The following CNNM3 variants were observed in gnomAD, a reference collection of about 807,000 sequenced individuals.
The protein encoded by CNNM3 is cyclin and CBS domain divalent metal cation transport mediator 3.
Under a neutral mutation model 57.1 loss-of-function variants are expected in CNNM3, and 47 were observed. The ratio of observed to expected loss-of-function variants is 0.82; its 90% CI spans 0.65 to 1.05. The LOEUF (loss-of-function observed/expected upper bound fraction) is 1.05. Ranked by LOEUF, CNNM3 falls within the 50% of genes least tolerant of loss-of-function variation. The pLI is 0.00. For synonymous variants in CNNM3, 507 were observed against 478.2 expected, an observed-to-expected ratio of 1.06 and a Z score of -0.79; for missense variants, 957 against 973.7, an observed-to-expected ratio of 0.98 and a Z score of 0.23.
At chr2:96,828,019 G>A in intron 4 of CNNM3, 80 bp from the exon 5 acceptor site, 1 of 1,566,086 alleles carries the variant, frequency 6.4e-7, no homozygotes, top group Non-Finnish European at 8.8e-7. Flanking sequence ...CAATTGAGGT[G>A]GTGGGTTTCT....
At position 96,829,002 on chromosome 2, in the gene CNNM3, C is replaced by G. The variant is rs374701098; in HGVS notation, c.1927C>G (p.Arg643Gly). 1.2e-6 allele frequency: 2 copies of G among 1,613,682 alleles called. No individual in the cohort carries two copies. The highest frequency in any genetic ancestry group is 3.3e-5 in the Admixed American group (2 of 59,958). Residue 643 changes from arginine (R) to glycine (G), a missense_variant, in exon 7 of 8, where the codon CGA (arginine) becomes GGA (glycine). Arg to Gly is a moderately radical substitution (Grantham distance 125). This residue lies in a region of CNNM3 where 491 missense variants were observed against 570.6 expected (regional missense o/e 0.86). Coordinates refer to ENST00000305510, the MANE Select transcript of CNNM3 (RefSeq NM_017623.5). ...LSDLQLIKVTRLQYLNALLAT... is the reference protein window; with the variant it reads ...LSDLQLIKVTGLQYLNALLAT... ...TAACGCTGTCATCCTCCAGGTTACG[C>G]GACTGCAGTACCTCAATGCACTCCT...
At chr2:96,819,864 C>T (rs2079380780) in intron 1 of CNNM3, among the ~76,000 whole-genome samples, 1 of 152,184 alleles carries the variant, frequency 6.6e-6, no homozygotes, top group African/African-American at 2.4e-5. Context: ...TTTTCCAAAC[C>T]GCCAGTGTCA....
chr2:96,828,678 T>G lies in CNNM3; in HGVS notation c.1898T>G (p.Leu633Arg). ...TGTCCCGACTACACCGTGAGGGCGC[T>G]CTCTGATCTGCAGCTCATCAAGGTG... The part of the protein sequence containing the change: ...AYCPDYTVRA[L>R]SDLQLIKVTR... Residue 633 changes from leucine to arginine, a missense_variant, in exon 6 of 8, where the codon CTC becomes CGC. Leu to Arg is a moderately radical substitution (Grantham distance 102). This residue lies in a region of CNNM3 where 491 missense variants were observed against 570.6 expected (regional missense o/e 0.86). Coordinates refer to ENST00000305510, the MANE Select transcript of CNNM3 (RefSeq NM_017623.5). The G allele has an allele frequency of 5.0e-6, 8 of 1,614,046 alleles. No individual in the cohort carries two copies. Among genetic ancestry groups the G allele is most frequent in the Non-Finnish European group, 6.8e-6 (8 of 1,179,986 alleles).
In CNNM3 at chr2:96,835,000, G is replaced by A. The variant is rs557520842; in HGVS notation, c.*2384G>A. 4.4e-4 allele frequency among the ~76,000 whole-genome samples: 67 copies of A among 152,272 alleles called. No individual in the cohort carries two copies. Among genetic ancestry groups the A allele is most frequent in the African/African-American group, 1.5e-3 (64 of 41,544 alleles). ...CCAACAAAGACTCTGACACTGGTGC[G>A]ATGTGGGTGGACAGTCCAAATCATT... On this transcript the variant is annotated 3_prime_UTR_variant, in exon 8 of 8. Coordinates refer to ENST00000305510, the MANE Select transcript of CNNM3 (RefSeq NM_017623.5).
At chr2:96,825,885 G>A (rs940408563) in intron 2 of CNNM3, among the ~76,000 whole-genome samples, 1 of 150,892 alleles carries the variant, frequency 6.6e-6, no homozygotes, top group East Asian at 1.9e-4. Context: ...TGAGAGACTG[G>A]AGGGGGTGGA....
At chr2:96,829,226 C>G in intron 7 of CNNM3, 92 bp downstream of exon 7, 2 of 1,423,642 alleles carry the variant, frequency 1.4e-6, no homozygotes, top group African/African-American at 1.4e-5. Context: ...CCCCCCCACC[C>G]TCTGTCTTTT....
At chr2:96,828,365 A>T (rs1423102866) in intron 5 of CNNM3, 170 bp downstream of exon 5, 1 of 818,386 alleles carries the variant, frequency 1.2e-6, no homozygotes, top group African/African-American at 1.7e-5. Context: ...AGCATTCTTC[A>T]TCGCTCAACT....
intron 2 of CNNM3, among the ~76,000 whole-genome samples, chr2:96,826,143 T>C (rs775584020): frequency 1.3e-5 from 2 of 152,246 alleles, no homozygotes; most frequent in Non-Finnish European, 1.5e-5. Flanking sequence ...CCCATTTGCA[T>C]TGGTAATCCT....
At chr2:96,828,405 C>T (rs531686562) in intron 5 of CNNM3, 162 bp from the exon 6 acceptor site, 12 of 975,414 alleles carry the variant, frequency 1.2e-5, no homozygotes, top group African/African-American at 4.9e-5. Flanking sequence ...TGCAAAACCT[C>T]TCCCGGCTGT....
chr2:96,830,880 C>T (rs1004764220), intron 7 of CNNM3, among the ~76,000 whole-genome samples: 49 of 152,148 alleles, frequency 3.2e-4, no homozygotes, highest in Non-Finnish European at 1.5e-4. Flanking sequence ...GTATGGGGTG[C>T]CCCTTCTACA....
Position 96,829,061 on chromosome 2 carries a change from T to G in CNNM3, c.1986T>G (p.Pro662=), listed in dbSNP as rs2079558485. ...GAGCCCAGAACCTGCCACAGTCCCCTGAGAACACCGACCTGCAGGTTATTC... is the reference window on the plus strand; with the variant it reads ...GAGCCCAGAACCTGCCACAGTCCCCGGAGAACACCGACCTGCAGGTTATTC... ...ATRAQNLPQS[P]ENTDLQVIPG... Residue 662 remains proline, a synonymous_variant, in exon 7 of 8, where the codon CCT becomes CCG. Transcript: ENST00000305510. The G allele has an allele frequency of 6.2e-7, 1 of 1,613,990 alleles. No homozygotes were observed. Among genetic ancestry groups the G allele is most frequent in the East Asian group, 2.2e-5 (1 of 44,858 alleles).
rs1290672685 is a variant in CNNM3, at chr2:96,817,025, G to T, written c.748G>T (p.Ala250Ser). Residue 250 changes from alanine to serine, a missense_variant, in exon 1 of 8, where the codon GCG (alanine) becomes TCG (serine). Coordinates refer to ENST00000305510, the MANE Select transcript of CNNM3 (RefSeq NM_017623.5). ...PAAVSGRWTL[A>S]LAPRALGLSR... is the part of the protein sequence containing the mutation. ...CGCCGTGAGCGGGCGCTGGACGCTG[G>T]CGCTGGCGCCGCGAGCGCTCGGCCT... is the stretch of plus-strand genomic sequence containing the variant. 7.3e-7 allele frequency: 1 copy of T among 1,368,146 alleles called. No individual in the cohort carries two copies. The highest frequency in any genetic ancestry group is 3.0e-5 in the Admixed American group (1 of 33,354). The allele number at this position is 1,368,146 out of a possible 1,614,324, so 84.8% of individuals were successfully genotyped here.
chr2:96,836,239 A>ATTT (rs761750199), downstream of CNNM3, among the ~76,000 whole-genome samples: 3 of 126,560 alleles, frequency 2.4e-5, no homozygotes, highest in South Asian at 2.5e-4. Context: ...CACCCAGCTA[A>ATTT]TTTTTTTTTT....
intron 2 of CNNM3, 103 bp from the exon 3 acceptor site, chr2:96,826,730 C>T: frequency 7.1e-7 from 1 of 1,398,748 alleles, no homozygotes; most frequent in Non-Finnish European, 9.9e-7. Flanking sequence ...CATCGAGGAC[C>T]CCCTGGCCTC....
Position 96,832,315 on chromosome 2 carries a change from C to G in CNNM3, c.2060-237C>G, listed in dbSNP as rs1353760003. The G allele has an allele frequency of 5.1e-6, 5 of 985,244 alleles. No individual in the cohort carries two copies. The Admixed American group carries it at 3.1e-4, about 61-fold the overall frequency. 61.0% of individuals were successfully genotyped at this position (985,244 alleles called of 1,614,324 possible). ...AGGTGCCTCTTGTTCAGCATAATGA[C>G]CTGGGACCCTCGGGGCCAGAAATCC... is the stretch of plus-strand genomic sequence containing the variant. On this transcript the variant is annotated intron_variant, in intron 7 of 7. Transcript: ENST00000305510.
chr2:96,826,789 G>T, intron 2 of CNNM3, 44 bp from the exon 3 acceptor site: 1 of 1,610,360 alleles, frequency 6.2e-7, no homozygotes, highest in South Asian at 1.1e-5. Flanking sequence ...CGTGTTGACT[G>T]ACAGGTGGCT....
intron 4 of CNNM3, 41 bp from the exon 5 acceptor site, chr2:96,828,058 A>G: frequency 6.3e-7 from 1 of 1,594,170 alleles, no homozygotes; most frequent in African/African-American, 1.3e-5. Flanking sequence ...CGGGAAAGGT[A>G]ATCTGGCCGC....
In CNNM3 at chr2:96,816,586, G is replaced by C. The variant is rs968365547; in HGVS notation, c.309G>C (p.Leu103Phe). The change falls in exon 1 of 8, where the codon TTG becomes TTC. Residue 103 changes from leucine to phenylalanine, a missense_variant. Physicochemically the swap from Leu to Phe is conservative, Grantham distance 22. This residue lies in a region of CNNM3 where 466 missense variants were observed against 403.1 expected (regional missense o/e 1.16). Transcript: ENST00000305510. The part of the protein sequence containing the change: ...PAGEWRALLR[L>F]RLRAEAVRPH... ...GCGAGTGGCGCGCGCTGCTGCGCTT[G>C]CGCCTGCGGGCCGAGGCCGTGCGCC... The C allele has an allele frequency of 2.4e-6, 3 of 1,257,006 alleles. No individual in the cohort carries two copies. Among genetic ancestry groups the C allele is most frequent in the Non-Finnish European group, 3.0e-6 (3 of 1,003,668 alleles). The allele number at this position is 1,257,006 out of a possible 1,614,324, so 77.9% of individuals were successfully genotyped here. A position where few individuals can be genotyped will look rare whatever the true frequency, so the allele number is the denominator to read the frequency against.
At position 96,817,447 on chromosome 2, in the gene CNNM3, C is replaced by T. The variant is rs769897406; in HGVS notation, c.1170C>T (p.Leu390=). ...STITRFYNHP[L]HFVFNDTKLD... ...TCACTCGTTTCTACAACCATCCGCT[C>T]CACTTCGTCTTCAACGACACCAAGC... is the stretch of plus-strand genomic sequence containing the variant. The change falls in exon 1 of 8, where the codon CTC becomes CTT. Residue 390 remains leucine, a synonymous_variant. Transcript: ENST00000305510. The T allele has an allele frequency of 3.1e-6, 5 of 1,614,058 alleles. No homozygotes were observed. Among genetic ancestry groups the T allele is most frequent in the Admixed American group, 1.7e-5 (1 of 60,024 alleles).
Sources: allele counts gnomAD v4.1 joint callset (sites outside exome capture counted in the v4.1 genomes callset), GRCh38; gene constraint gnomAD v4.1.1; regional missense constraint gnomAD v4.1.1; transcripts MANE v1.5; gene names NCBI Gene and HGNC (gene_info 2026-07-23, HGNC 2026-07-21).